MGAT4C: variants seen among roughly 807,000 people sequenced by gnomAD.
The protein encoded by MGAT4C is MGAT4 family member C.
MGAT4C carries 19 observed loss-of-function variants against 40.1 expected under a neutral mutation model. That is an observed-to-expected ratio of 0.47 (90% confidence interval 0.33 to 0.70). The LOEUF is 0.70. MGAT4C is among the 30% of genes least tolerant of loss of function. MGAT4C has a pLI of 0.02. For missense variants in MGAT4C, 491 were observed against 563.2 expected (o/e 0.87, Z 1.30); for synonymous variants, 181 against 187.1 (o/e 0.97, Z 0.27).
At chr12:86,342,905 G>A (rs1954934168) in intron 3 of MGAT4C, among the ~76,000 whole-genome samples, 1 of 152,088 alleles carries the variant, frequency 6.6e-6, no homozygotes. Context: ...AAAGATCGCT[G>A]CAAACAGAAT....
At chr12:86,650,086 T>C (rs111869151) in intron 2 of MGAT4C, among the ~76,000 whole-genome samples, 124 of 152,002 alleles carry the variant, frequency 8.2e-4, no homozygotes, top group African/African-American at 2.8e-3. Context: ...ATATACTTTT[T>C]CATGGCATTC....
intron 2 of MGAT4C, among the ~76,000 whole-genome samples, chr12:86,020,670 G>T (rs1431604359): frequency 1.3e-5 from 2 of 152,106 alleles, no homozygotes; most frequent in Non-Finnish European, 2.9e-5. Context: ...CAGGACATAG[G>T]CATGGGCAAG....
intron 1 of MGAT4C, among the ~76,000 whole-genome samples, chr12:86,812,516 T>C (rs546851957): frequency 6.6e-6 from 1 of 152,240 alleles, no homozygotes; most frequent in South Asian, 2.1e-4. Context: ...TTAGGTCATC[T>C]TGTTAAATGG....
rs1360522901 is a variant in MGAT4C at position 85,964,890 on chromosome 12, C to T, written c.*14399G>A. 1.3e-5 allele frequency: 2 copies of T among 152,114 alleles called. No homozygotes were observed. Among genetic ancestry groups the T allele is most frequent in the African/African-American group, 2.4e-5 (1 of 41,418 alleles). The allele number at this position is 152,114 out of a possible 1,614,324, so 9.4% of individuals were successfully genotyped here. ...AATGTCTGAAAGTCCTATGATTAAA[C>T]TCACTTTTATGTAAGATAGTGAGGC... On this transcript the variant is annotated 3_prime_UTR_variant, in exon 5 of 5. Transcript: ENST00000611864.
intron 4 of MGAT4C, among the ~76,000 whole-genome samples, chr12:85,981,064 A>G (rs10863131): frequency 0.26 from 38,924 of 151,938 alleles, 5,653 homozygotes; most frequent in Non-Finnish European, 0.33. Flanking sequence ...TTAGAAAGCA[A>G]ACAATATTAT....
chr12:86,139,434 AT>A (rs1882513519), intron 1 of MGAT4C, among the ~76,000 whole-genome samples: 1 of 152,038 alleles, frequency 6.6e-6, no homozygotes, highest in African/African-American at 2.4e-5. Context: ...TACTGTATAT[AT>A]TCTTCTATGA....
At chr12:86,561,036 T>G (rs1959839109) in intron 2 of MGAT4C, among the ~76,000 whole-genome samples, 1 of 152,062 alleles carries the variant, frequency 6.6e-6, no homozygotes, top group African/African-American at 2.4e-5. Flanking sequence ...AAAAAAGCAC[T>G]TTCATTTAAA....
At chr12:86,122,575 G>A (rs1048324230) in intron 1 of MGAT4C, among the ~76,000 whole-genome samples, 12 of 152,012 alleles carry the variant, frequency 7.9e-5, no homozygotes, top group Non-Finnish European at 1.5e-4. Flanking sequence ...TTTCATCTAC[G>A]TTAATTATAC....
intron 1 of MGAT4C, among the ~76,000 whole-genome samples, chr12:86,190,978 G>A (rs1387704033): frequency 6.6e-6 from 1 of 151,832 alleles, no homozygotes; most frequent in African/African-American, 2.4e-5. Context: ...TGTGCTAAAT[G>A]TCAACTCTTA....
intron 1 of MGAT4C, among the ~76,000 whole-genome samples, chr12:86,757,215 G>T (rs1951320841): frequency 6.6e-6 from 1 of 151,398 alleles, no homozygotes; most frequent in Non-Finnish European, 1.5e-5. Context: ...GGGGCCTGTT[G>T]GGGGTTGGGG....
chr12:86,579,205 T>A (rs113949573), intron 2 of MGAT4C, among the ~76,000 whole-genome samples: 1 of 151,498 alleles, frequency 6.6e-6, no homozygotes, highest in East Asian at 1.9e-4. Context: ...GGTTTTCTGA[T>A]TGTTTTGTGG....
At chr12:86,471,814 A>G (rs1184317043) in intron 2 of MGAT4C, among the ~76,000 whole-genome samples, 2 of 152,240 alleles carry the variant, frequency 1.3e-5, no homozygotes, top group African/African-American at 4.8e-5. Context: ...TCAAAGTATT[A>G]TATGTTACAT....
chr12:86,693,942 A>G (rs552453101), intron 2 of MGAT4C, among the ~76,000 whole-genome samples: 4 of 152,182 alleles, frequency 2.6e-5, no homozygotes, highest in Non-Finnish European at 4.4e-5. Flanking sequence ...TTCGCCAATA[A>G]TGACATTCAT....
intron 1 of MGAT4C, among the ~76,000 whole-genome samples, chr12:86,773,717 G>A (rs1951678849): frequency 6.6e-6 from 1 of 151,970 alleles, no homozygotes; most frequent in African/African-American, 2.4e-5. Flanking sequence ...AGTGATATAT[G>A]TATGTGTGTG....
intron 4 of MGAT4C, among the ~76,000 whole-genome samples, chr12:86,303,611 T>A (rs541467560): frequency 6.7e-6 from 1 of 149,936 alleles, no homozygotes; most frequent in Admixed American, 6.6e-5. Context: ...AAAAATCAAA[T>A]TCTTTTCTCT....
chr12:86,396,361 A>C (rs896571808), intron 3 of MGAT4C, among the ~76,000 whole-genome samples: 1 of 152,178 alleles, frequency 6.6e-6, no homozygotes, highest in African/African-American at 2.4e-5. Flanking sequence ...TATAATAAAT[A>C]CATGCTTAGA....
chr12:86,731,654 T>A (rs1314855039), intron 1 of MGAT4C, among the ~76,000 whole-genome samples: 1 of 152,104 alleles, frequency 6.6e-6, no homozygotes, highest in Non-Finnish European at 1.5e-5. Flanking sequence ...GTTTTGTGAT[T>A]TTTCTTTAGT....
chr12:86,833,740 T>A (rs1402299051), intron 1 of MGAT4C, among the ~76,000 whole-genome samples: 1 of 151,890 alleles, frequency 6.6e-6, no homozygotes, highest in Non-Finnish European at 1.5e-5. Context: ...TCAAACCACA[T>A]TTTCTGTCTG....
chr12:86,706,455 C>T (rs1235105618), intron 2 of MGAT4C, among the ~76,000 whole-genome samples: 1 of 150,640 alleles, frequency 6.6e-6, no homozygotes, highest in African/African-American at 2.5e-5. Flanking sequence ...GATAGGGTCT[C>T]TCTATTTTGC....
Sources: gnomAD v4.1 joint callset for allele counts (sites outside exome capture counted in the v4.1 genomes callset) on GRCh38, gnomAD v4.1.1 for gene constraint, MANE v1.5 for transcripts, NCBI Gene and HGNC (gene_info 2026-07-23, HGNC 2026-07-21) for gene names.